The following CADM1 variants were observed in gnomAD, a reference collection of about 807,000 sequenced individuals.
CADM1 encodes the protein cell adhesion molecule 1.
In CADM1, 15 loss-of-function variants were observed where a neutral mutation model predicts 53.1. The ratio of observed to expected loss-of-function variants is 0.28; its 90% CI spans 0.19 to 0.44. CADM1 has a LOEUF of 0.44. CADM1 is among the 20% of genes least tolerant of loss of function. The pLI, the probability that CADM1 is intolerant of heterozygous loss-of-function variation, is 1.00. For missense variants in CADM1, 434 were observed against 611.3 expected (o/e 0.71, Z 3.06); for synonymous variants, 281 against 243.0 (o/e 1.16, Z -1.45).
intron 3 of CADM1, among the ~76,000 whole-genome samples, chr11:115,232,013 T>TAATAATAATAAC (rs576888198): frequency 6.1e-5 from 9 of 146,890 alleles, no homozygotes; most frequent in African/African-American, 2.2e-4. Flanking sequence ...ATAATAATAA[T>TAATAATAATAAC]AACAACAACA....
chr11:115,269,367 T>C (rs1189960565), intron 1 of CADM1, among the ~76,000 whole-genome samples: 2 of 152,160 alleles, frequency 1.3e-5, no homozygotes, highest in Non-Finnish European at 2.9e-5. Flanking sequence ...CCAAGCCAAG[T>C]GGGCAAATTA....
intron 1 of CADM1, among the ~76,000 whole-genome samples, chr11:115,328,468 A>G (rs1194172027): frequency 1.3e-5 from 2 of 151,412 alleles, no homozygotes. Context: ...CATTCCTTCA[A>G]CAAGTATTTC....
At chr11:115,356,616 A>C (rs1477173208) in intron 1 of CADM1, among the ~76,000 whole-genome samples, 1 of 152,218 alleles carries the variant, frequency 6.6e-6, no homozygotes, top group Non-Finnish European at 1.5e-5. Context: ...AAATGTGGCT[A>C]TACAACATTT....
chr11:115,475,224 A>G (rs1949104724), intron 1 of CADM1, among the ~76,000 whole-genome samples: 1 of 152,158 alleles, frequency 6.6e-6, no homozygotes, highest in Admixed American at 6.5e-5. Context: ...TATAGTTGTT[A>G]TACTATATTT....
chr11:115,202,476 T>G (rs948679759), intron 8 of CADM1, among the ~76,000 whole-genome samples: 1 of 152,166 alleles, frequency 6.6e-6, no homozygotes, highest in Non-Finnish European at 1.5e-5. Flanking sequence ...TGCTTTACAA[T>G]GCGCAGACTG....
At chr11:115,434,434 C>A (rs1383211414) in intron 1 of CADM1, among the ~76,000 whole-genome samples, 1 of 152,244 alleles carries the variant, frequency 6.6e-6, no homozygotes, top group Non-Finnish European at 1.5e-5. Context: ...AACTGACTTA[C>A]ATTGCCCGAC....
rs1459066373 is a variant in CADM1, at chr11:115,295,868, A to G, written c.125-55448T>C. Among the ~76,000 whole-genome samples the G allele has an allele frequency of 4.6e-5, 7 of 152,068 alleles. No individual in the cohort carries two copies. The East Asian group carries it at 9.7e-4, about 21-fold the overall frequency. ...TAGAATACCTTCAACTATTAATACT[A>G]TATTCTTAAATGCTACAAATCTTCC... On this transcript the variant is annotated intron_variant, in intron 1 of 11. Coordinates refer to ENST00000331581, the MANE Select transcript of CADM1 (RefSeq NM_001301043.2).
chr11:115,504,181 T>C (rs866559451), intron 1 of CADM1, 90 bp downstream of exon 1: 16 of 1,524,300 alleles, frequency 1.0e-5, no homozygotes, highest in Middle Eastern at 3.4e-4. Flanking sequence ...TGGGGGGAGG[T>C]TGTCATGGAA....
chr11:115,361,932 G>A (rs973539985), intron 1 of CADM1, among the ~76,000 whole-genome samples: 2 of 151,854 alleles, frequency 1.3e-5, no homozygotes, highest in African/African-American at 4.8e-5. Context: ...TAGAGTTGAA[G>A]TCTCTCTCTG....
intron 8 of CADM1, among the ~76,000 whole-genome samples, chr11:115,200,573 G>A (rs938319563): frequency 3.3e-5 from 5 of 151,974 alleles, no homozygotes; most frequent in African/African-American, 7.3e-5. Flanking sequence ...TTGGCTCACC[G>A]CAACCTCTGG....
chr11:115,342,752 A>G (rs1031988330), intron 1 of CADM1, among the ~76,000 whole-genome samples: 1 of 152,082 alleles, frequency 6.6e-6, no homozygotes, highest in African/African-American at 2.4e-5. Context: ...ATATTTTACC[A>G]CAGTTAGTTT....
chr11:115,358,270 T>C (rs887262288), intron 1 of CADM1, among the ~76,000 whole-genome samples: 2 of 152,158 alleles, frequency 1.3e-5, no homozygotes, highest in South Asian at 4.2e-4. Flanking sequence ...ATTCATAAAG[T>C]ATTGTATTAG....
intron 1 of CADM1, among the ~76,000 whole-genome samples, chr11:115,268,058 A>ATC (rs1413133759): frequency 1.3e-5 from 2 of 152,226 alleles, no homozygotes; most frequent in Non-Finnish European, 2.9e-5. Flanking sequence ...GCACTGAATC[A>ATC]TCTCCAGTAA....
intron 1 of CADM1, among the ~76,000 whole-genome samples, chr11:115,376,150 A>C (rs1946431944): frequency 6.6e-6 from 1 of 152,162 alleles, no homozygotes; most frequent in African/African-American, 2.4e-5. Flanking sequence ...ACAAGCTATA[A>C]GACAGTAAGC....
chr11:115,347,954 A>T (rs980667202), intron 1 of CADM1, among the ~76,000 whole-genome samples: 1 of 152,228 alleles, frequency 6.6e-6, no homozygotes, highest in Non-Finnish European at 1.5e-5. Context: ...CACGAAAAAT[A>T]AGGCGAACAT....
chr11:115,362,622 A>T (rs1364704201), intron 1 of CADM1, among the ~76,000 whole-genome samples: 1 of 152,198 alleles, frequency 6.6e-6, no homozygotes, highest in Non-Finnish European at 1.5e-5. Flanking sequence ...TTTTTTTAGT[A>T]TCTCTATTAT....
chr11:115,278,087 T>C (rs778109517), intron 1 of CADM1, among the ~76,000 whole-genome samples: 46 of 151,924 alleles, frequency 3.0e-4, no homozygotes, highest in Non-Finnish European at 5.7e-4. Flanking sequence ...CTCACCACTA[T>C]ATCCTGTGGA....
intron 1 of CADM1, among the ~76,000 whole-genome samples, chr11:115,303,844 G>C (rs1042346958): frequency 2.0e-5 from 3 of 151,952 alleles, no homozygotes; most frequent in Non-Finnish European, 4.4e-5. Flanking sequence ...TTCATATCCT[G>C]GCGCTTGTCC....
intron 1 of CADM1, among the ~76,000 whole-genome samples, chr11:115,480,643 G>A (rs1287439530): frequency 1.3e-5 from 2 of 152,130 alleles, no homozygotes; most frequent in Admixed American, 6.5e-5. Context: ...GGGGCCTTGG[G>A]TCACTGCAAC....
Sources: allele counts gnomAD v4.1 joint callset (sites outside exome capture counted in the v4.1 genomes callset), GRCh38; gene constraint gnomAD v4.1.1; transcripts MANE v1.5; gene names NCBI Gene and HGNC (gene_info 2026-07-23, HGNC 2026-07-21).